The following SMPD2 variants were observed in gnomAD, a reference collection of about 807,000 sequenced individuals.
SMPD2 encodes the protein sphingomyelin phosphodiesterase 2.
SMPD2 carries 35 observed loss-of-function variants against 41.7 expected under a neutral mutation model. The observed-to-expected ratio is 0.84, with a 90% CI of 0.64 to 1.11. The LOEUF is 1.11. SMPD2 is among the 50% of genes most tolerant of loss of function. The probability of loss-of-function intolerance (pLI) is 0.00; values close to 1 mark genes in which losing one functional copy is unlikely to be tolerated. For synonymous variants in SMPD2, 201 were observed against 208.2 expected (o/e 0.97, Z 0.30); for missense variants, 520 against 524.8 (o/e 0.99, Z 0.09).
At chr6:109,441,699 C>T (rs1010750874) in intron 3 of SMPD2, 71 bp downstream of exon 3, 17 of 1,366,270 alleles carry the variant, frequency 1.2e-5, no homozygotes, top group African/African-American at 5.7e-5. Context: ...CCTTCCCTAT[C>T]CTGCCTGCAC....
Position 109,442,083 on chromosome 6 carries a change from G to A in SMPD2, c.318+16G>A, listed in dbSNP as rs750800698. On this transcript the variant is annotated intron_variant, in intron 4 of 9. Coordinates refer to ENST00000258052, the MANE Select transcript of SMPD2 (RefSeq NM_003080.3). ...CCCCTACATGGTAAGGCAGACCTTT[G>A]ACCTCTTCCACCTCCCTTCCCCACC... 1 of 1,600,880 alleles carries A rather than the reference G, an allele frequency of 6.2e-7. No homozygotes were observed. The highest frequency in any genetic ancestry group is 2.2e-5 in the East Asian group (1 of 44,822).
chr6:109,443,394 C>G lies in SMPD2; in HGVS notation c.857C>G (p.Pro286Arg), dbSNP rs376841752. 3.1e-6 allele frequency: 5 copies of G among 1,614,144 alleles called. No homozygotes were observed. Among genetic ancestry groups the G allele is most frequent in the Non-Finnish European group, 4.2e-6 (5 of 1,180,024 alleles). The change falls in exon 9 of 10, where the codon CCA (proline) becomes CGA (arginine). Residue 286 changes from proline (P) to arginine (R), a missense_variant. Transcript: ENST00000258052. ...ACTCTGTTTGTGAGGCACAGCCCCC[C>G]ACAGCAGAACCCCAGCTCTACCCAC... The part of the protein sequence containing the change: ...MATLFVRHSP[P>R]QQNPSSTHGP...
In SMPD2 at chr6:109,442,103, C is replaced by T. The variant is rs755486972; in HGVS notation, c.318+36C>T. 2.5e-6 allele frequency: 4 copies of T among 1,584,182 alleles called. No individual in the cohort carries two copies. The South Asian group carries it at 3.3e-5, about 13-fold the overall frequency. On this transcript the variant is annotated intron_variant, in intron 4 of 9. Coordinates refer to ENST00000258052, the MANE Select transcript of SMPD2 (RefSeq NM_003080.3). ...CCTTTGACCTCTTCCACCTCCCTTC[C>T]CCACCTCCAGTAATACAAGGTAGAG...
intron 5 of SMPD2, 87 bp downstream of exon 5, chr6:109,442,386 G>A (rs1478736846): frequency 7.0e-7 from 1 of 1,427,890 alleles, no homozygotes; most frequent in African/African-American, 1.4e-5. Context: ...CTCATACCTG[G>A]GGATGAGGTG....
chr6:109,441,189 G>A lies in SMPD2; in HGVS notation c.50+18G>A, dbSNP rs770436692. ...AACTGCTGGTGAGTGCGTCTGCGGAGTGCGGTCTGGGGGCCACCTTCCGTT... is the reference window on the plus strand; with the variant it reads ...AACTGCTGGTGAGTGCGTCTGCGGAATGCGGTCTGGGGGCCACCTTCCGTT... On this transcript the variant is annotated intron_variant, in intron 1 of 9. Coordinates refer to ENST00000258052, the MANE Select transcript of SMPD2 (RefSeq NM_003080.3). The A allele has an allele frequency of 6.8e-6, 11 of 1,613,858 alleles. No individual in the cohort carries two copies. In the Admixed American group the frequency reaches 1.7e-4, roughly 24 times the overall value.
In SMPD2 at chr6:109,440,971, G is replaced by C; in HGVS notation, c.-151G>C. The stretch of plus-strand genomic sequence containing the variant: ...CCGGGGGAACGCGGGAGTCGGGCCC[G>C]ACCTGAGCCACGCGGGCTTGGTGCC... On this transcript the variant is annotated 5_prime_UTR_variant, in exon 1 of 10. Coordinates refer to ENST00000258052, the MANE Select transcript of SMPD2 (RefSeq NM_003080.3). 1 of 736,930 alleles carries C rather than the reference G, an allele frequency of 1.4e-6. No homozygotes were observed. Among genetic ancestry groups the C allele is most frequent in the Non-Finnish European group, 2.2e-6 (1 of 449,824 alleles). The allele number at this position is 736,930 out of a possible 1,614,324, so 45.6% of individuals were successfully genotyped here.
At position 109,443,893 on chromosome 6, in the gene SMPD2, T is replaced by C; in HGVS notation, c.1260T>C (p.Thr420=). 6.2e-7 allele frequency: 1 copy of C among 1,604,852 alleles called. No individual in the cohort carries two copies. The highest frequency in any genetic ancestry group is 2.2e-5 in the East Asian group (1 of 44,724). ...TGGGGCAGCAGGAGGGGGACAGAAC[T>C]AAAGAACAATAAAGCTTGGCCCTTT... ...LLLGQQEGDR[T]KEQ Residue 420 remains threonine, a synonymous_variant, in exon 10 of 10, where the codon ACT becomes ACC. Transcript: ENST00000258052.
rs765338995 is a variant in SMPD2 at position 109,443,744 on chromosome 6, T to C, written c.1111T>C (p.Phe371Leu). The stretch of plus-strand genomic sequence containing the variant: ...AGGGCTGGTGCTGTGGGCAGGTGCA[T>C]TCTACCTCTTCCACGTACAGGAGGT... ...SVGLVLWAGA[F>L]YLFHVQEVNG... The change falls in exon 10 of 10, where the codon TTC (phenylalanine) becomes CTC (leucine). Residue 371 changes from phenylalanine (F) to leucine (L), a missense_variant. Phe to Leu is a conservative substitution (Grantham distance 22, BLOSUM62 0). Coordinates refer to ENST00000258052, the MANE Select transcript of SMPD2 (RefSeq NM_003080.3). The C allele has an allele frequency of 5.0e-6, 8 of 1,613,868 alleles. No individual in the cohort carries two copies. The African/African-American group carries it at 1.1e-4, about 22-fold the overall frequency.
At position 109,441,683 on chromosome 6, in the gene SMPD2, G is replaced by C. The variant is rs182243214; in HGVS notation, c.224+55G>C. The stretch of plus-strand genomic sequence containing the variant: ...GTCATCCCAGGAGGCTCTTGGCCCT[G>C]CCAGCCCTTCCCTATCCTGCCTGCA... On this transcript the variant is annotated intron_variant, in intron 3 of 9. Coordinates refer to ENST00000258052, the MANE Select transcript of SMPD2 (RefSeq NM_003080.3). 171 of 1,524,706 alleles carry C rather than the reference G, an allele frequency of 1.1e-4. No individual in the cohort carries two copies. The African/African-American group carries it at 2.2e-3, about 19-fold the overall frequency. The allele number at this position is 1,524,706 out of a possible 1,614,324, so 94.4% of individuals were successfully genotyped here.
rs781595772 is a variant in SMPD2, at chr6:109,443,860, C to A, written c.1227C>A (p.Ala409=). The A allele has an allele frequency of 2.5e-6, 4 of 1,613,046 alleles. No homozygotes were observed. The African/African-American group carries it at 5.3e-5, about 22-fold the overall frequency. ...AQDLGPEPQP[A]LLLGQQEGDR... is the part of the protein sequence containing the mutation. ...ATCTGGGCCCAGAGCCTCAGCCAGC[C>A]CTACTCCTGGGGCAGCAGGAGGGGG... Residue 409 remains alanine (A), a synonymous_variant, in exon 10 of 10, where the codon GCC becomes GCA. Coordinates refer to ENST00000258052, the MANE Select transcript of SMPD2 (RefSeq NM_003080.3).
rs761908038 is a variant in SMPD2, at chr6:109,443,007, A to G, written c.655A>G (p.Lys219Glu). Residue 219 changes from lysine (K) to glutamate (E), a missense_variant, in exon 8 of 10, where the codon AAG becomes GAG. By Grantham distance (56) the Lys-to-Glu change is moderately conservative. Transcript: ENST00000258052. ...GSEEGNTMVP[K>E]NCYVSQQELK... ...TGAGGAAGGCAACACAATGGTACCC[A>G]AGAACTGCTACGTCAGCCAGCAGGA... 6.2e-7 allele frequency: 1 copy of G among 1,614,218 alleles called. No homozygotes were observed. The highest frequency in any genetic ancestry group is 2.2e-5 in the East Asian group (1 of 44,892).
At chr6:109,442,459 G>A in intron 5 of SMPD2, 84 bp from the exon 6 acceptor site, 1 of 1,408,672 alleles carries the variant, frequency 7.1e-7, no homozygotes, top group Non-Finnish European at 1.0e-6. Flanking sequence ...CAAACACCAT[G>A]CCAAGTGACA....
rs1774887564 is a variant in SMPD2 at position 109,441,585 on chromosome 6, CAG to C, written c.183_184del (p.Lys62AlafsTer49). ...WSEQDFQYLRQKLSPTYPAAH... is the reference protein window; with the variant it reads ...WSEQDFQYLRXKLSPTYPAAH... ...TGAGCAGGACTTCCAGTACCTGAGA[CAG>C]AAGCTGTCACCTACCTACCCAGCTG... On this transcript the variant is annotated frameshift_variant, in exon 3 of 10. Coordinates refer to ENST00000258052, the MANE Select transcript of SMPD2 (RefSeq NM_003080.3). LOFTEE classifies it high-confidence loss of function. 6.2e-7 allele frequency: 1 copy of C among 1,614,200 alleles called. No homozygotes were observed. Among genetic ancestry groups the C allele is most frequent in the Non-Finnish European group, 8.5e-7 (1 of 1,180,040 alleles).
At position 109,442,985 on chromosome 6, in the gene SMPD2, G is replaced by A. The variant is rs746642989; in HGVS notation, c.633G>A (p.Glu211=). The change falls in exon 8 of 10, where the codon GAG becomes GAA. Residue 211 remains glutamate, a synonymous_variant. Coordinates refer to ENST00000258052, the MANE Select transcript of SMPD2 (RefSeq NM_003080.3). ...GCCAATGATTCCCTTAGGGCTCTGA[G>A]GAAGGCAACACAATGGTACCCAAGA... The part of the protein sequence containing the change: ...YLETRDFKGS[E]EGNTMVPKNC... 5.0e-6 allele frequency: 8 copies of A among 1,614,122 alleles called. No homozygotes were observed. The highest frequency in any genetic ancestry group is 6.8e-6 in the Non-Finnish European group (8 of 1,179,990).
At position 109,443,388 on chromosome 6, in the gene SMPD2, GC is replaced by G; in HGVS notation, c.857del (p.Pro286HisfsTer17). On this transcript the variant is annotated frameshift_variant, in exon 9 of 10. Coordinates refer to ENST00000258052, the MANE Select transcript of SMPD2 (RefSeq NM_003080.3). LOFTEE classifies it low-confidence loss of function (END_TRUNC). ...ALMATLFVRH[S>X]PPQQNPSSTH... The stretch of plus-strand genomic sequence containing the variant: ...ATGGCTACTCTGTTTGTGAGGCACA[GC>G]CCCCCACAGCAGAACCCCAGCTCTA... 6.2e-7 allele frequency: 1 copy of G among 1,614,022 alleles called. No homozygotes were observed. Among genetic ancestry groups the G allele is most frequent in the Non-Finnish European group, 8.5e-7 (1 of 1,179,974 alleles).
rs372703708 is a variant in SMPD2, at chr6:109,443,339, C to T, written c.802C>T (p.Pro268Ser). The stretch of plus-strand genomic sequence containing the variant: ...AGGCTTTGACCCTCACAGGGGCACC[C>T]CCCTCTCTGATCATGAAGCCCTGAT... Reference protein sequence around the residue: ...TTGFDPHRGTPLSDHEALMAT... With the variant: ...TTGFDPHRGTSLSDHEALMAT... The change falls in exon 9 of 10, where the codon CCC (proline) becomes TCC (serine). Residue 268 changes from proline (P) to serine (S), a missense_variant. By Grantham distance (74) the Pro-to-Ser change is moderately conservative (BLOSUM62 -1). Transcript: ENST00000258052. 17 of 1,613,814 alleles carry T rather than the reference C, an allele frequency of 1.1e-5. No individual in the cohort carries two copies. In the African/African-American group the frequency reaches 1.1e-4, roughly 10 times the overall value.
At chr6:109,441,243 C>A (rs1243312404) in intron 1 of SMPD2, 72 bp downstream of exon 1, 1 of 1,595,452 alleles carries the variant, frequency 6.3e-7, no homozygotes, top group East Asian at 2.2e-5. Flanking sequence ...CTCCCCCTAT[C>A]CCGCCCCACG....
At position 109,443,720 on chromosome 6, in the gene SMPD2, G is replaced by T. The variant is rs766220319; in HGVS notation, c.1087G>T (p.Gly363Trp). The T allele has an allele frequency of 6.2e-7, 1 of 1,613,972 alleles. No individual in the cohort carries two copies. Among genetic ancestry groups the T allele is most frequent in the African/African-American group, 1.3e-5 (1 of 74,930 alleles). The change falls in exon 10 of 10, where the codon GGG (glycine) becomes TGG (tryptophan). Residue 363 changes from glycine to tryptophan, a missense_variant. Coordinates refer to ENST00000258052, the MANE Select transcript of SMPD2 (RefSeq NM_003080.3). ...AAILLWTPSV[G>W]LVLWAGAFYL... ...CATACTGCTCTGGACCCCCAGTGTA[G>T]GGCTGGTGCTGTGGGCAGGTGCATT...
In SMPD2 at chr6:109,443,392, C is replaced by G; in HGVS notation, c.855C>G (p.Pro285=). Residue 285 remains proline, a synonymous_variant, in exon 9 of 10, where the codon CCC becomes CCG. Transcript: ENST00000258052. ...LMATLFVRHS[P]PQQNPSSTHG... ...CTACTCTGTTTGTGAGGCACAGCCCCCCACAGCAGAACCCCAGCTCTACCC... is the reference window on the plus strand; with the variant it reads ...CTACTCTGTTTGTGAGGCACAGCCCGCCACAGCAGAACCCCAGCTCTACCC... 1 of 1,614,154 alleles carries G rather than the reference C, an allele frequency of 6.2e-7. No individual in the cohort carries two copies. Among genetic ancestry groups the G allele is most frequent in the Non-Finnish European group, 8.5e-7 (1 of 1,180,022 alleles).
Sources: gnomAD v4.1 joint callset for allele counts on GRCh38, gnomAD v4.1.1 for gene constraint, MANE v1.5 for transcripts, NCBI Gene and HGNC (gene_info 2026-07-23, HGNC 2026-07-21) for gene names.